The following MLLT3 variants were observed in gnomAD, a reference collection of about 807,000 sequenced individuals.
The protein encoded by MLLT3 is MLLT3 super elongation complex subunit, also known as protein AF-9.
A neutral mutation model predicts 53.2 loss-of-function variants in MLLT3; 4 were observed. The ratio of observed to expected loss-of-function variants is 0.08; its 90% CI spans 0.04 to 0.17. The LOEUF (loss-of-function observed/expected upper bound fraction) is 0.17, where lower values mean the gene tolerates loss of function less well. Among genes scored for constraint, MLLT3 ranks in the 10% least tolerant of loss-of-function variants. The pLI is 1.00. For synonymous variants in MLLT3, 283 were observed against 230.6 expected (o/e 1.23, Z -2.06); for missense variants, 569 against 684.0 (o/e 0.83, Z 1.87).
At chr9:20,401,098 A>T (rs534827129) in intron 5 of MLLT3, among the ~76,000 whole-genome samples, 1 of 152,276 alleles carries the variant, frequency 6.6e-6, no homozygotes, top group Admixed American at 6.5e-5. Flanking sequence ...AGCAAACCTG[A>T]TAAGGAATCA....
chr9:20,484,533 A>C (rs1692901769), intron 2 of MLLT3, among the ~76,000 whole-genome samples: 1 of 152,126 alleles, frequency 6.6e-6, no homozygotes, highest in South Asian at 2.1e-4. Context: ...TATGAGATGC[A>C]CCTACTACCC....
intron 2 of MLLT3, among the ~76,000 whole-genome samples, chr9:20,619,841 T>C (rs1484599029): frequency 6.6e-6 from 1 of 152,180 alleles, no homozygotes; most frequent in Non-Finnish European, 1.5e-5. Flanking sequence ...TTATGCAAAC[T>C]AGACTCCAAG....
At position 20,462,688 on chromosome 9, in the gene MLLT3, C is replaced by T. The variant is rs368539348; in HGVS notation, c.194-5902G>A. Among the ~76,000 whole-genome samples the T allele has an allele frequency of 1.9e-4, 29 of 152,250 alleles. No homozygotes were observed. The East Asian group carries it at 4.4e-3, about 23-fold the overall frequency. ...TGCATCATATTAGCTAATCCTAATA[C>T]ATCTGCTACCATCAAGTCCCATCCT... On this transcript the variant is annotated intron_variant, in intron 2 of 10. Transcript: ENST00000380338.
At chr9:20,528,139 G>A (rs1268687609) in intron 2 of MLLT3, among the ~76,000 whole-genome samples, 26 of 152,242 alleles carry the variant, frequency 1.7e-4, no homozygotes, top group Non-Finnish European at 5.9e-5. Context: ...TAAATCTAAT[G>A]AGCATCTAAT....
chr9:20,562,036 T>A (rs1486943015), intron 2 of MLLT3, among the ~76,000 whole-genome samples: 1 of 152,118 alleles, frequency 6.6e-6, no homozygotes, highest in Non-Finnish European at 1.5e-5. Flanking sequence ...GACACAATAA[T>A]TTAAATATTA....
rs980808649 is a variant in MLLT3, at chr9:20,363,575, T to C, written c.1232A>G (p.His411Arg). 6 of 1,613,876 alleles carry C rather than the reference T, an allele frequency of 3.7e-6. No individual in the cohort carries two copies. Among genetic ancestry groups the C allele is most frequent in the African/African-American group, 2.7e-5 (2 of 74,940 alleles). Residue 411 changes from histidine (H) to arginine (R), a missense_variant, in exon 7 of 11, where the codon CAT (histidine) becomes CGT (arginine). His to Arg is a conservative substitution (Grantham distance 29). This residue lies in a region of MLLT3 where 437 missense variants were observed against 376.5 expected (regional missense o/e 1.16). Transcript: ENST00000380338. ...GPLRSIMKDL[H>R]SDDNEEESDE... ...TGATTCCTCCTCATTGTCATCAGAATGCAGATCTTTCATTATAGACCTCAA... is the reference window on the plus strand; with the variant it reads ...TGATTCCTCCTCATTGTCATCAGAACGCAGATCTTTCATTATAGACCTCAA...
intron 2 of MLLT3, among the ~76,000 whole-genome samples, chr9:20,471,227 T>G (rs1318638620): frequency 6.6e-6 from 1 of 152,054 alleles, no homozygotes; most frequent in Non-Finnish European, 1.5e-5. Context: ...ATTTTTTTCT[T>G]TTTGCTTATT....
intron 2 of MLLT3, among the ~76,000 whole-genome samples, chr9:20,509,396 T>C (rs1452141455): frequency 6.6e-6 from 1 of 152,214 alleles, no homozygotes; most frequent in Admixed American, 6.5e-5. Context: ...TGTTTCTTTA[T>C]AATTCTTTGA....
intron 5 of MLLT3, among the ~76,000 whole-genome samples, chr9:20,409,465 T>C (rs1001095082): frequency 6.6e-6 from 1 of 152,212 alleles, no homozygotes; most frequent in Non-Finnish European, 1.5e-5. Flanking sequence ...AATACAATTA[T>C]AAACCTTTAG....
chr9:20,456,163 T>G (rs1586962068), intron 3 of MLLT3, among the ~76,000 whole-genome samples: 1 of 152,192 alleles, frequency 6.6e-6, no homozygotes, highest in South Asian at 2.1e-4. Flanking sequence ...GGTCTCGAAC[T>G]CCTGACCTCA....
At chr9:20,558,164 C>G (rs543276827) in intron 2 of MLLT3, among the ~76,000 whole-genome samples, 24 of 152,334 alleles carry the variant, frequency 1.6e-4, no homozygotes, top group Non-Finnish European at 3.1e-4. Context: ...GAACACAGAA[C>G]CATTGATTTC....
intron 5 of MLLT3, among the ~76,000 whole-genome samples, chr9:20,401,806 T>C (rs1430123564): frequency 1.3e-5 from 2 of 152,186 alleles, no homozygotes; most frequent in African/African-American, 2.4e-5. Flanking sequence ...GTTACTGTTA[T>C]AATAAAATAA....
At position 20,531,304 on chromosome 9, in the gene MLLT3, T is replaced by C. The variant is rs201268322; in HGVS notation, c.194-74518A>G. On this transcript the variant is annotated intron_variant, in intron 2 of 10. Transcript: ENST00000380338. Reference sequence around the variant, plus strand: ...GCGTATGCCACCACGCCCAAGTAATTTTTGTGTTTTTAGTAGAGACAGCGT... The same window carrying C: ...GCGTATGCCACCACGCCCAAGTAATCTTTGTGTTTTTAGTAGAGACAGCGT... 1.6e-4 allele frequency among the ~76,000 whole-genome samples: 25 copies of C among 152,032 alleles called. No homozygotes were observed. The East Asian group carries it at 4.1e-3, about 25-fold the overall frequency.
intron 3 of MLLT3, among the ~76,000 whole-genome samples, chr9:20,452,938 T>C (rs1020559876): frequency 2.6e-5 from 4 of 152,230 alleles, no homozygotes; most frequent in Non-Finnish European, 5.9e-5. Flanking sequence ...AGATCTGCTG[T>C]GCATTGCAAC....
intron 5 of MLLT3, among the ~76,000 whole-genome samples, chr9:20,366,213 G>C (rs1821447083): frequency 6.6e-6 from 1 of 152,042 alleles, no homozygotes; most frequent in Non-Finnish European, 1.5e-5. Flanking sequence ...CCTGACCCCT[G>C]AAAGGCCTTG....
intron 2 of MLLT3, among the ~76,000 whole-genome samples, chr9:20,473,449 T>G (rs1366150791): frequency 6.6e-6 from 1 of 152,088 alleles, no homozygotes; most frequent in African/African-American, 2.4e-5. Context: ...AATAAAATGT[T>G]CAAGAGTAAA....
At chr9:20,504,732 AGTC>A (rs1479845626) in intron 2 of MLLT3, among the ~76,000 whole-genome samples, 1 of 152,164 alleles carries the variant, frequency 6.6e-6, no homozygotes, top group Non-Finnish European at 1.5e-5. Context: ...GGGGATTTTA[AGTC>A]TTCTCACCAC....
At position 20,345,692 on chromosome 9, in the gene MLLT3, G is replaced by C. The variant is rs1175965844; in HGVS notation, c.*751C>G. The C allele has an allele frequency of 4.6e-6, 1 of 216,852 alleles. No homozygotes were observed. The highest frequency in any genetic ancestry group is 9.3e-6 in the Non-Finnish European group (1 of 107,560). The allele number at this position is 216,852 out of a possible 1,614,324, so 13.4% of individuals were successfully genotyped here. On this transcript the variant is annotated 3_prime_UTR_variant, in exon 11 of 11. Coordinates refer to ENST00000380338, the MANE Select transcript of MLLT3 (RefSeq NM_004529.4). ...ACAGCAATTCATATGATCCTATTTG[G>C]TGCATTTTCTACCATGGTCCAAGAT...
At chr9:20,412,864 G>A (rs1408322477) in intron 5 of MLLT3, among the ~76,000 whole-genome samples, 1 of 152,152 alleles carries the variant, frequency 6.6e-6, no homozygotes, top group Non-Finnish European at 1.5e-5. Context: ...TAACAACCCT[G>A]TCACTAGAAG....
Sources: allele counts gnomAD v4.1 joint callset (sites outside exome capture counted in the v4.1 genomes callset), GRCh38; gene constraint gnomAD v4.1.1; regional missense constraint gnomAD v4.1.1; transcripts MANE v1.5; gene names NCBI Gene and HGNC (gene_info 2026-07-23, HGNC 2026-07-21).